Variants in DYNC1H1 observed in about 807,000 individuals in gnomAD.
The protein encoded by DYNC1H1 is dynein cytoplasmic 1 heavy chain 1.
DYNC1H1 carries 51 observed loss-of-function variants against 527.1 expected under a neutral mutation model. That is an observed-to-expected ratio of 0.10 (90% CI 0.08 to 0.12). The LOEUF is 0.12. Ranked by LOEUF, DYNC1H1 falls within the 10% of genes least tolerant of loss-of-function variation. The probability of loss-of-function intolerance (pLI) is 1.00; values close to 1 mark genes in which losing one functional copy is unlikely to be tolerated. For synonymous variants in DYNC1H1, 2,189 were observed against 2,278.8 expected, an observed-to-expected ratio of 0.96 and a Z score of 1.12; for missense variants, 2,771 against 5,971.8, an observed-to-expected ratio of 0.46 and a Z score of 17.66.
In DYNC1H1 at chr14:102,001,799, TCTCA is replaced by T; in HGVS notation, c.4542+122_4542+125del. ...TTTTATTGTATTTTTTGAGACAGGG[TCTCA>T]CTCTGTCTCCCACGCTGGAGTGCAG... On this transcript the variant is annotated intron_variant, in intron 21 of 77. Coordinates refer to ENST00000360184, the MANE Select transcript of DYNC1H1 (RefSeq NM_001376.5). This position sits in a 1 kb window ranked among gnomAD's most constrained non-coding sequence, Gnocchi z 5.0. The T allele has an allele frequency of 7.2e-7, 1 of 1,382,334 alleles. No homozygotes were observed. The highest frequency in any genetic ancestry group is 1.0e-6 in the Non-Finnish European group (1 of 996,700). 85.6% of individuals were successfully genotyped at this position (1,382,334 alleles called of 1,614,324 possible). A position where few individuals can be genotyped will look rare whatever the true frequency, so the allele number is the denominator to read the frequency against.
intron 42 of DYNC1H1, among the ~76,000 whole-genome samples, chr14:102,022,438 G>A (rs1264913558): frequency 1.1e-4 from 17 of 150,386 alleles, no homozygotes; most frequent in African/African-American, 3.7e-4. Flanking sequence ...CCCGGGAGGC[G>A]GAGCTTGCAG....
chr14:101,991,568 C>T lies in DYNC1H1; in HGVS notation c.2910C>T (p.Tyr970=). The T allele has an allele frequency of 5.6e-6, 9 of 1,614,208 alleles. No homozygotes were observed. The highest frequency in any genetic ancestry group is 6.8e-6 in the Non-Finnish European group (8 of 1,180,036). The change falls in exon 11 of 78, where the codon TAC becomes TAT. Residue 970 remains tyrosine, a synonymous_variant. Transcript: ENST00000360184. ...TAAGAATAACCAATCAGGTAATCTA[C>T]TTGAATCCACCAATTGAAGAGTGCA... ...HELRITNQVI[Y]LNPPIEECRY...
chr14:102,027,582 C>G lies in DYNC1H1; in HGVS notation c.9049-37C>G, dbSNP rs112772348. On this transcript the variant is annotated intron_variant, in intron 46 of 77. Transcript: ENST00000360184. This position sits in a 1 kb window ranked among gnomAD's most constrained non-coding sequence, Gnocchi z 7.7. ...CGTGTTGCGTTGCATTACGTGTTAC[C>G]GGGGGACCAGTAAGTCAGCACTGTG... 6.2e-7 allele frequency: 1 copy of G among 1,614,014 alleles called. No homozygotes were observed. The highest frequency in any genetic ancestry group is 1.3e-5 in the African/African-American group (1 of 74,908).
At chr14:101,990,105 T>C (rs553504029) in intron 10 of DYNC1H1, among the ~76,000 whole-genome samples, 19 of 152,278 alleles carry the variant, frequency 1.2e-4, no homozygotes, top group African/African-American at 4.3e-4. Flanking sequence ...TGCACAGTGA[T>C]AGAATCGCCT....
rs2048541064 is a variant in DYNC1H1 at position 102,033,961 on chromosome 14, C to T, written c.10414-15C>T. 4.3e-6 allele frequency: 7 copies of T among 1,613,372 alleles called. No individual in the cohort carries two copies. The highest frequency in any genetic ancestry group is 5.9e-6 in the Non-Finnish European group (7 of 1,179,808). ...AGGCCTCATCCCTGAGCATCTTGTT[C>T]GGTTTTCCTTTTAGGTAAACCGGAG... On this transcript the variant is annotated splice_polypyrimidine_tract_variant and intron_variant, in intron 54 of 77. Coordinates refer to ENST00000360184, the MANE Select transcript of DYNC1H1 (RefSeq NM_001376.5). The surrounding 1 kb of genome is among the most constrained non-coding windows in gnomAD (Gnocchi z 5.6).
Position 102,042,783 on chromosome 14 carries a change from T to C in DYNC1H1, c.12513+35T>C. 1 of 1,610,030 alleles carries C rather than the reference T, an allele frequency of 6.2e-7. No individual in the cohort carries two copies. The highest frequency in any genetic ancestry group is 8.5e-7 in the Non-Finnish European group (1 of 1,177,794). On this transcript the variant is annotated intron_variant, in intron 69 of 77. Coordinates refer to ENST00000360184, the MANE Select transcript of DYNC1H1 (RefSeq NM_001376.5). This position sits in a 1 kb window ranked among gnomAD's most constrained non-coding sequence, Gnocchi z 5.7. ...TTGTCCTCCTGGTATGCTTTCCCCA[T>C]AGAAGCTAAAGCCCAGTCCCATCAC... is the stretch of plus-strand genomic sequence containing the variant.
chr14:102,038,561 C>T lies in DYNC1H1; in HGVS notation c.11010C>T (p.Asp3670=). The change falls in exon 58 of 78, where the codon GAC becomes GAT. Residue 3670 remains aspartate (D), a synonymous_variant. Transcript: ENST00000360184. The surrounding 1 kb of genome is among the most constrained non-coding windows in gnomAD (Gnocchi z 7.2). ...VLITLGDQDI[D]LSPSFVIFLS... Reference sequence around the variant, plus strand: ...TCACTCTCGGGGACCAGGACATAGACCTGTCGCCATCGTTTGTCATCTTCC... The same window carrying T: ...TCACTCTCGGGGACCAGGACATAGATCTGTCGCCATCGTTTGTCATCTTCC... The T allele has an allele frequency of 1.2e-6, 2 of 1,614,168 alleles. No homozygotes were observed. The highest frequency in any genetic ancestry group is 1.7e-6 in the Non-Finnish European group (2 of 1,180,034).
chr14:101,988,157 G>A (rs1158790365), intron 9 of DYNC1H1, among the ~76,000 whole-genome samples: 1 of 152,160 alleles, frequency 6.6e-6, no homozygotes, highest in African/African-American at 2.4e-5. Context: ...TAAGAGGGAG[G>A]AGAAAGTGTT....
chr14:102,050,745 G>C lies in DYNC1H1; in HGVS notation c.*182G>C. ...TGGAAGGATACCAGGAGGTATTTGGGAAGGCCAATGGCGTGGCTCCTTTGA... is the reference window on the plus strand; with the variant it reads ...TGGAAGGATACCAGGAGGTATTTGGCAAGGCCAATGGCGTGGCTCCTTTGA... On this transcript the variant is annotated 3_prime_UTR_variant, in exon 78 of 78. Transcript: ENST00000360184. 4 of 926,346 alleles carry C rather than the reference G, an allele frequency of 4.3e-6. No homozygotes were observed. Among genetic ancestry groups the C allele is most frequent in the Non-Finnish European group, 6.6e-6 (4 of 605,758 alleles). 57.4% of individuals were successfully genotyped at this position (926,346 alleles called of 1,614,324 possible). A position where few individuals can be genotyped will look rare whatever the true frequency, so the allele number is the denominator to read the frequency against.
chr14:101,999,244 A>G (rs1324305993), intron 16 of DYNC1H1, among the ~76,000 whole-genome samples: 1 of 152,064 alleles, frequency 6.6e-6, no homozygotes, highest in African/African-American at 2.4e-5. Context: ...TGACATGGTC[A>G]TAGCTCACTG....
At chr14:101,967,803 G>A (rs1478482456) in intron 1 of DYNC1H1, among the ~76,000 whole-genome samples, 1 of 152,158 alleles carries the variant, frequency 6.6e-6, no homozygotes, top group Non-Finnish European at 1.5e-5. Context: ...CTCCAGCCTG[G>A]GTACAGAGTG....
chr14:102,032,126 G>C, intron 51 of DYNC1H1, 146 bp from the exon 52 acceptor site: 1 of 943,558 alleles, frequency 1.1e-6, no homozygotes, highest in East Asian at 2.4e-5. Flanking sequence ...ATACAGAAAA[G>C]TCTCTCATTT....
In DYNC1H1 at chr14:102,042,731, G is replaced by A. The variant is rs202107738; in HGVS notation, c.12496G>A (p.Val4166Ile). The A allele has an allele frequency of 4.8e-5, 77 of 1,614,176 alleles. No homozygotes were observed. Among genetic ancestry groups the A allele is most frequent in the Non-Finnish European group, 6.1e-5 (72 of 1,180,036 alleles). The change falls in exon 69 of 78, where the codon GTC (valine) becomes ATC (isoleucine). Residue 4166 changes from valine (V) to isoleucine (I), a missense_variant. Val to Ile is a conservative substitution (Grantham distance 29). Coordinates refer to ENST00000360184, the MANE Select transcript of DYNC1H1 (RefSeq NM_001376.5). The surrounding 1 kb of genome is among the most constrained non-coding windows in gnomAD (Gnocchi z 5.7). ...NMLRTFSSIP[V>I]SRICKSPNER... ...GCTGAGGACGTTCAGCAGCATTCCCGTCTCACGGATATGCAAGGTAAGTAC... is the reference window on the plus strand; with the variant it reads ...GCTGAGGACGTTCAGCAGCATTCCCATCTCACGGATATGCAAGGTAAGTAC...
chr14:101,970,473 GTTTTTTTTTTTTTT>G (rs958653217), intron 1 of DYNC1H1, among the ~76,000 whole-genome samples: 1 of 81,436 alleles, frequency 1.2e-5, no homozygotes, highest in Middle Eastern at 7.2e-3. Context: ...GTTTGTTGTT[GTTTTTTTTTTTTTT>G]TTTTTTTTTT....
chr14:102,039,053 G>A lies in DYNC1H1; in HGVS notation c.11259G>A (p.Leu3753=), dbSNP rs1401773071. Residue 3753 remains leucine, a synonymous_variant, in exon 60 of 78, where the codon CTG becomes CTA. Transcript: ENST00000360184. The surrounding 1 kb of genome is among the most constrained non-coding windows in gnomAD (Gnocchi z 7.0). The part of the protein sequence containing the change: ...RQLEKSLLQA[L]NEVKGRILDD... ...TGGAAAAATCTCTACTACAAGCTCTGAACGAGGTGAAAGGGCGCATTTTGG... is the reference window on the plus strand; with the variant it reads ...TGGAAAAATCTCTACTACAAGCTCTAAACGAGGTGAAAGGGCGCATTTTGG... The A allele has an allele frequency of 9.9e-6, 16 of 1,614,192 alleles. No individual in the cohort carries two copies. The highest frequency in any genetic ancestry group is 1.4e-5 in the Non-Finnish European group (16 of 1,180,030).
intron 2 of DYNC1H1, among the ~76,000 whole-genome samples, chr14:101,977,951 A>G (rs1409511847): frequency 6.6e-6 from 1 of 152,208 alleles, no homozygotes; most frequent in Non-Finnish European, 1.5e-5. Context: ...CAGTGGGGCA[A>G]TCTTAGCTCA....
chr14:102,047,641 G>GTGTGTGTGTGTGTATATATATATA, intron 72 of DYNC1H1, 176 bp from the exon 73 acceptor site: 30 of 316,742 alleles, frequency 9.5e-5, no homozygotes, highest in African/African-American at 4.3e-4. Context: ...GTGTGTGTGT[G>GTGTGTGTGTGTGTATATATATATA]TATATATATA....
In DYNC1H1 at chr14:102,011,850, T is replaced by A. The variant is rs749054210; in HGVS notation, c.6619-25T>A. ...CCCATTCCTCCTCTGGGATGGTCAC[T>A]GTGCTGGTCTGTTGGGCCCTGCAGG... is the stretch of plus-strand genomic sequence containing the variant. On this transcript the variant is annotated intron_variant, in intron 32 of 77. Coordinates refer to ENST00000360184, the MANE Select transcript of DYNC1H1 (RefSeq NM_001376.5). The surrounding 1 kb of genome is among the most constrained non-coding windows in gnomAD (Gnocchi z 5.3). 1 of 1,612,252 alleles carries A rather than the reference T, an allele frequency of 6.2e-7. No homozygotes were observed. The highest frequency in any genetic ancestry group is 1.7e-5 in the Admixed American group (1 of 60,028).
At chr14:102,025,145 G>T (rs922497812) in intron 43 of DYNC1H1, among the ~76,000 whole-genome samples, 6 of 151,864 alleles carry the variant, frequency 4.0e-5, no homozygotes, top group Non-Finnish European at 8.8e-5. Context: ...AGACCAGCCT[G>T]CCCAACGTGG....
Sources: gnomAD v4.1 joint callset for allele counts (sites outside exome capture counted in the v4.1 genomes callset) on GRCh38, gnomAD v4.1.1 for gene constraint, Gnocchi (gnomAD v3.1) non-coding constraint, MANE v1.5 for transcripts, NCBI Gene and HGNC (gene_info 2026-07-23, HGNC 2026-07-21) for gene names.